Variants in BCAS3 observed in about 807,000 individuals in gnomAD.
BCAS3 encodes the protein BCAS3 microtubule associated cell migration factor, also known as BCAS4/BCAS3 fusion.
A neutral mutation model predicts 116.1 loss-of-function variants in BCAS3; 53 were observed. That is an observed-to-expected ratio of 0.46 (90% CI 0.37 to 0.57). BCAS3 has a LOEUF of 0.57. Ranked by LOEUF, BCAS3 falls within the 20% of genes least tolerant of loss-of-function variation. The pLI is 0.00. For missense variants in BCAS3, 917 were observed against 1,165.4 expected, an observed-to-expected ratio of 0.79 and a Z score of 3.10; for synonymous variants, 391 against 408.2, an observed-to-expected ratio of 0.96 and a Z score of 0.51.
At chr17:60,880,940 T>C (rs945858372) in intron 9 of BCAS3, among the ~76,000 whole-genome samples, 3 of 148,356 alleles carry the variant, frequency 2.0e-5, no homozygotes, top group African/African-American at 5.3e-5. Flanking sequence ...AGATTGTCTT[T>C]TCACTTTCTT....
At chr17:60,855,150 A>G (rs756300340) in intron 7 of BCAS3, among the ~76,000 whole-genome samples, 10 of 151,262 alleles carry the variant, frequency 6.6e-5, no homozygotes, top group East Asian at 2.0e-4. Flanking sequence ...GGGTTTCACC[A>G]TGTTGGTCAG....
chr17:60,820,571 G>A (rs749715111), intron 7 of BCAS3, among the ~76,000 whole-genome samples: 5 of 152,158 alleles, frequency 3.3e-5, no homozygotes, highest in Admixed American at 1.3e-4. Flanking sequence ...TAGGCTTGGT[G>A]AAAATGTATG....
chr17:61,060,915 A>G, intron 19 of BCAS3, among the ~76,000 whole-genome samples: 1 of 150,766 alleles, frequency 6.6e-6, no homozygotes, highest in Middle Eastern at 3.2e-3. Context: ...ATCTCTGTTT[A>G]GTAGTTTGAC....
Position 61,171,243 on chromosome 17 carries a change from T to C in BCAS3, c.2425+86679T>C, listed in dbSNP as rs1053830433. Among the ~76,000 whole-genome samples, 1 of 152,066 alleles carries C rather than the reference T, an allele frequency of 6.6e-6. No homozygotes were observed. The highest frequency in any genetic ancestry group is 2.4e-5 in the African/African-American group (1 of 41,382). On this transcript the variant is annotated intron_variant, in intron 22 of 23. Transcript: ENST00000407086. The surrounding 1 kb of genome is among the most constrained non-coding windows in gnomAD (Gnocchi z 4.1). ...TGTAGACTTGGATAAGTTACAAATA[T>C]ATGCTATACATTCTAAAGCAGCCTC...
chr17:61,069,958 A>G (rs1348352176), intron 19 of BCAS3: 1 of 1,575,968 alleles, frequency 6.3e-7, no homozygotes, highest in Non-Finnish European at 8.6e-7. Context: ...GGCAGTGTTG[A>G]AAGGTGTCCA....
chr17:60,911,123 C>CTTTTTTTTTTTTTTTTT (rs1162942971), intron 12 of BCAS3, among the ~76,000 whole-genome samples: 47 of 88,268 alleles, frequency 5.3e-4, no homozygotes, highest in Non-Finnish European at 6.4e-4. Context: ...TTTTTTCTTT[C>CTTTTTTTTTTTTTTTTT]TTTTTTTTTT....
At chr17:60,754,208 T>C (rs2042772360) in intron 6 of BCAS3, among the ~76,000 whole-genome samples, 1 of 151,966 alleles carries the variant, frequency 6.6e-6, no homozygotes, top group Non-Finnish European at 1.5e-5. Context: ...CTTCTTTTTT[T>C]CTTTTTTCTT....
rs938591762 is a variant in BCAS3, at chr17:61,323,815, A to C, written c.2426-44512A>C. 6.6e-6 allele frequency among the ~76,000 whole-genome samples: 1 copy of C among 152,248 alleles called. No homozygotes were observed. Among genetic ancestry groups the C allele is most frequent in the East Asian group, 1.9e-4 (1 of 5,204 alleles). ...CTCAGCTGCTGGTAAGTGATCCAGCAGAAGCAGGCAGCCCTGGCTTATCCA... is the reference window on the plus strand; with the variant it reads ...CTCAGCTGCTGGTAAGTGATCCAGCCGAAGCAGGCAGCCCTGGCTTATCCA... On this transcript the variant is annotated intron_variant, in intron 22 of 23. Transcript: ENST00000407086. This position sits in a 1 kb window ranked among gnomAD's most constrained non-coding sequence, Gnocchi z 4.6.
intron 22 of BCAS3, among the ~76,000 whole-genome samples, chr17:61,295,718 C>T (rs1383428910): frequency 1.3e-5 from 2 of 151,308 alleles, no homozygotes; most frequent in Non-Finnish European, 2.9e-5. Flanking sequence ...TTTGGGAGGC[C>T]GAGGCGGGTG....
intron 13 of BCAS3, among the ~76,000 whole-genome samples, chr17:60,931,583 T>G (rs754778123): frequency 2.6e-5 from 4 of 152,150 alleles, no homozygotes; most frequent in Non-Finnish European, 5.9e-5. Context: ...GGCCGGAATC[T>G]TCTTTTGCCT....
At chr17:60,988,760 TTTTA>T (rs1490737771) in intron 14 of BCAS3, among the ~76,000 whole-genome samples, 8 of 152,214 alleles carry the variant, frequency 5.3e-5, no homozygotes, top group African/African-American at 7.2e-5. Context: ...TCATCTCTGA[TTTTA>T]TTTGAGTCTT....
intron 6 of BCAS3, among the ~76,000 whole-genome samples, chr17:60,786,280 G>T (rs1158193237): frequency 6.6e-6 from 1 of 152,098 alleles, no homozygotes; most frequent in Non-Finnish European, 1.5e-5. Flanking sequence ...AGAGGGTCCA[G>T]GGTTCAAGTC....
chr17:60,702,747 G>T (rs73332391), intron 4 of BCAS3, among the ~76,000 whole-genome samples: 1 of 151,876 alleles, frequency 6.6e-6, no homozygotes, highest in Non-Finnish European at 1.5e-5. Context: ...GTGCCACAGC[G>T]CCTGGCTAAT....
At chr17:61,273,762 C>T (rs1188631227) in intron 22 of BCAS3, among the ~76,000 whole-genome samples, 1 of 146,198 alleles carries the variant, frequency 6.8e-6, no homozygotes, top group Non-Finnish European at 1.5e-5. Context: ...TTTTCTTTTT[C>T]TCTGTACTAC....
rs2076835809 is a variant in BCAS3 at position 61,140,030 on chromosome 17, G to T, written c.2425+55466G>T. Among the ~76,000 whole-genome samples, 1 of 152,118 alleles carries T rather than the reference G, an allele frequency of 6.6e-6. No individual in the cohort carries two copies. Among genetic ancestry groups the T allele is most frequent in the Non-Finnish European group, 1.5e-5 (1 of 68,028 alleles). ...GTGGATAGATCACTTGAGGTCAGGA[G>T]TTCGAGGTCAGACTGGCCAATATAG... On this transcript the variant is annotated intron_variant, in intron 22 of 23. Transcript: ENST00000407086. This position sits in a 1 kb window ranked among gnomAD's most constrained non-coding sequence, Gnocchi z 4.2.
Position 61,377,214 on chromosome 17 carries a change from G to T in BCAS3, c.2593+8720G>T, listed in dbSNP as rs77022540. 6.6e-3 allele frequency among the ~76,000 whole-genome samples: 1,003 copies of T among 152,320 alleles called. 39 individuals are homozygous for T. The highest frequency in any genetic ancestry group is 0.047 in the East Asian group (244 of 5,174). ...AATGCCCTGATTGCTGAGGGTGAGA[G>T]AAGAAAGTGTCCCCAGAGGCACAGG... On this transcript the variant is annotated intron_variant, in intron 23 of 23. Coordinates refer to ENST00000407086, the MANE Select transcript of BCAS3 (RefSeq NM_017679.5). This position sits in a 1 kb window ranked among gnomAD's most constrained non-coding sequence, Gnocchi z 4.6.
At position 61,367,651 on chromosome 17, in the gene BCAS3, C is replaced by T. The variant is rs1490308989; in HGVS notation, c.2426-676C>T. ...ATCAGGAGAGCGAGTTCTTGGACCT[C>T]GTCTGCCACAGACTTGCTCTTCCAT... On this transcript the variant is annotated intron_variant, in intron 22 of 23. Transcript: ENST00000407086. This position sits in a 1 kb window ranked among gnomAD's most constrained non-coding sequence, Gnocchi z 6.2. 1 of 152,130 alleles carries T rather than the reference C, an allele frequency of 6.6e-6. No homozygotes were observed. The highest frequency in any genetic ancestry group is 1.5e-5 in the Non-Finnish European group (1 of 68,040). The allele number at this position is 152,130 out of a possible 1,614,324, so 9.4% of individuals were successfully genotyped here.
chr17:60,816,348 C>T (rs1302205616), intron 7 of BCAS3, among the ~76,000 whole-genome samples: 3 of 148,842 alleles, frequency 2.0e-5, no homozygotes, highest in African/African-American at 7.6e-5. Context: ...GATCTCAGCT[C>T]ACGGCAACCT....
chr17:60,680,147 A>AG (rs1369771965), intron 2 of BCAS3, among the ~76,000 whole-genome samples: 9 of 151,454 alleles, frequency 5.9e-5, no homozygotes. Flanking sequence ...AAAAAAAAAA[A>AG]AAAAGAAAGA....
Sources: allele counts gnomAD v4.1 joint callset (sites outside exome capture counted in the v4.1 genomes callset), GRCh38; gene constraint gnomAD v4.1.1; non-coding constraint Gnocchi (gnomAD v3.1); transcripts MANE v1.5; gene names NCBI Gene and HGNC (gene_info 2026-07-23, HGNC 2026-07-21).